The following GABRG3 variants were observed in gnomAD, a reference collection of about 807,000 sequenced individuals.
GABRG3 encodes gamma-aminobutyric acid type A receptor subunit gamma3, also known as gamma-aminobutyric acid receptor subunit gamma-3.
GABRG3 carries 25 observed loss-of-function variants against 48.8 expected under a neutral mutation model. That is an observed-to-expected ratio of 0.51 (90% CI 0.37 to 0.72). GABRG3 has a LOEUF of 0.72. GABRG3 is among the 30% of genes least tolerant of loss of function. The pLI is 0.00. For synonymous variants in GABRG3, 227 were observed against 217.6 expected (o/e 1.04, Z -0.38); for missense variants, 394 against 577.9 (o/e 0.68, Z 3.26).
chr15:27,026,847 C>A, intron 3 of GABRG3, 26 bp downstream of exon 3: 5 of 1,522,410 alleles, frequency 3.3e-6, no homozygotes, highest in Non-Finnish European at 4.5e-6. Context: ...ATTTTCTGAT[C>A]TAACGGCTGT....
intron 3 of GABRG3, among the ~76,000 whole-genome samples, chr15:27,116,429 T>C (rs1182123294): frequency 6.6e-6 from 1 of 152,188 alleles, no homozygotes; most frequent in South Asian, 2.1e-4. Context: ...CATTCCTTAA[T>C]GGCAAAAACA....
chr15:27,171,090 A>T (rs1169195856), intron 3 of GABRG3, among the ~76,000 whole-genome samples: 1 of 152,112 alleles, frequency 6.6e-6, no homozygotes, highest in Non-Finnish European at 1.5e-5. Context: ...AGAGGAGAGG[A>T]CCAGTGTCTC....
intron 5 of GABRG3, among the ~76,000 whole-genome samples, chr15:27,406,526 A>G (rs1054266081): frequency 6.6e-6 from 1 of 152,186 alleles, no homozygotes; most frequent in Non-Finnish European, 1.5e-5. Flanking sequence ...TAAAACACTC[A>G]TGCACATGTT....
At chr15:27,528,077 C>A in intron 9 of GABRG3, 85 bp downstream of exon 9, 1 of 996,490 alleles carries the variant, frequency 1.0e-6, no homozygotes, top group Non-Finnish European at 1.6e-6. Flanking sequence ...GCTGTTGATG[C>A]ATGCATGTAT....
intron 5 of GABRG3, among the ~76,000 whole-genome samples, chr15:27,472,340 A>G (rs577847337): frequency 2.0e-5 from 3 of 152,030 alleles, no homozygotes; most frequent in Non-Finnish European, 2.9e-5. Flanking sequence ...CAGTGGTGCA[A>G]TCTCAGCTCA....
chr15:27,224,709 G>T (rs80076496), intron 3 of GABRG3, among the ~76,000 whole-genome samples: 111 of 152,342 alleles, frequency 7.3e-4, no homozygotes, highest in African/African-American at 2.5e-3. Context: ...AGATGGAAAG[G>T]TTAAGAAGTA....
chr15:27,234,962 C>CT (rs1889910302), intron 3 of GABRG3, among the ~76,000 whole-genome samples: 1 of 152,240 alleles, frequency 6.6e-6, no homozygotes, highest in African/African-American at 2.4e-5. Flanking sequence ...AAACAGTCCT[C>CT]TGTGGTCTGG....
chr15:27,469,773 A>G (rs929518681), intron 5 of GABRG3, among the ~76,000 whole-genome samples: 7 of 152,200 alleles, frequency 4.6e-5, no homozygotes, highest in Non-Finnish European at 1.0e-4. Flanking sequence ...GTGTTTCTCT[A>G]TCCCCCACAT....
intron 3 of GABRG3, among the ~76,000 whole-genome samples, chr15:27,285,280 TGTGTG>T (rs1891571675): frequency 6.7e-6 from 1 of 150,054 alleles, no homozygotes; most frequent in Non-Finnish European, 1.5e-5. Context: ...TGTGTGTGTG[TGTGTG>T]TGTGTGTGTG....
chr15:27,031,910 C>A (rs1227002222), intron 3 of GABRG3, among the ~76,000 whole-genome samples: 2 of 152,172 alleles, frequency 1.3e-5, no homozygotes, highest in Non-Finnish European at 2.9e-5. Flanking sequence ...TTTTTCTTTG[C>A]ATTTCTCCTG....
chr15:27,021,230 A>G (rs182213963), intron 2 of GABRG3, among the ~76,000 whole-genome samples: 42 of 152,312 alleles, frequency 2.8e-4, no homozygotes, highest in African/African-American at 6.0e-4. Flanking sequence ...TCGTGTTGCA[A>G]TTGGCAAGCT....
chr15:27,317,765 A>T (rs1410044110), intron 3 of GABRG3, among the ~76,000 whole-genome samples: 1 of 152,132 alleles, frequency 6.6e-6, no homozygotes, highest in Admixed American at 6.5e-5. Context: ...GAGCTAAAAA[A>T]TAAAAAAGTG....
At chr15:27,372,597 G>C (rs1051033929) in intron 5 of GABRG3, among the ~76,000 whole-genome samples, 1 of 152,056 alleles carries the variant, frequency 6.6e-6, no homozygotes, top group Admixed American at 6.6e-5. Flanking sequence ...TCGTTTTGCT[G>C]CCCAAGCTGT....
intron 5 of GABRG3, among the ~76,000 whole-genome samples, chr15:27,358,988 C>T (rs1894934732): frequency 1.3e-5 from 2 of 152,238 alleles, no homozygotes; most frequent in Non-Finnish European, 2.9e-5. Flanking sequence ...GCGGGGCGAA[C>T]GCAGGCTCAG....
At chr15:27,327,624 G>A (rs1319704630) in intron 4 of GABRG3, among the ~76,000 whole-genome samples, 1 of 152,138 alleles carries the variant, frequency 6.6e-6, no homozygotes, top group Non-Finnish European at 1.5e-5. Flanking sequence ...GCAATGACGG[G>A]CCCTCTGCAC....
At position 27,305,622 on chromosome 15, in the gene GABRG3, T is replaced by C. The variant is rs373271649; in HGVS notation, c.271-21187T>C. ...ACCTACATGTTTATATATAAACATA[T>C]ATATAATATAAACCTATATGTTTAT... On this transcript the variant is annotated intron_variant, in intron 3 of 9. Coordinates refer to ENST00000615808, the MANE Select transcript of GABRG3 (RefSeq NM_033223.5). Among the ~76,000 whole-genome samples the C allele has an allele frequency of 2.4e-3, 333 of 140,844 alleles. 2 individuals are homozygous for C. The highest frequency in any genetic ancestry group is 3.9e-3 in the South Asian group (18 of 4,592). 92.4% of individuals were successfully genotyped at this position (140,844 alleles called of 152,430 possible).
chr15:27,194,481 G>T (rs1888432986), intron 3 of GABRG3, among the ~76,000 whole-genome samples: 1 of 152,110 alleles, frequency 6.6e-6, no homozygotes, highest in Admixed American at 6.5e-5. Flanking sequence ...TAGTTCTTTG[G>T]CTGAGAGTGT....
intron 3 of GABRG3, among the ~76,000 whole-genome samples, chr15:27,228,694 G>T (rs34230811): frequency 2.0e-5 from 3 of 152,006 alleles, no homozygotes; most frequent in Non-Finnish European, 2.9e-5. Flanking sequence ...AGTGTATAAG[G>T]GTTCCCTTTT....
Position 27,388,246 on chromosome 15 carries a change from AAAGGAAGG to A in GABRG3, c.574+59365_574+59372del, listed in dbSNP as rs778512671. Among the ~76,000 whole-genome samples the A allele has an allele frequency of 6.6e-3, 99 of 15,080 alleles. 7 individuals carry two copies. The highest frequency in any genetic ancestry group is 9.6e-3 in the Non-Finnish European group (71 of 7,364). The allele number at this position is 15,080 out of a possible 152,430, so 9.9% of individuals were successfully genotyped here. On this transcript the variant is annotated intron_variant, in intron 5 of 9. Transcript: ENST00000615808. ...GAAGGAAAGGGAGGAGGGAGGGAGGAAAGGAAGGAAGGAAAGGAGGGAGGGAGGGTAAG... is the reference window on the plus strand; with the variant it reads ...GAAGGAAAGGGAGGAGGGAGGGAGGAAAGGAAAGGAGGGAGGGAGGGTAAG...
Sources: allele counts gnomAD v4.1 joint callset (sites outside exome capture counted in the v4.1 genomes callset), GRCh38; gene constraint gnomAD v4.1.1; transcripts MANE v1.5; gene names NCBI Gene and HGNC (gene_info 2026-07-23, HGNC 2026-07-21).